The following NUMA1 variants were observed in gnomAD, a reference collection of about 807,000 sequenced individuals.
NUMA1 encodes SP-H antigen.
Under a neutral mutation model 237.1 loss-of-function variants are expected in NUMA1, and 62 were observed. That is an observed-to-expected ratio of 0.26 (90% CI 0.21 to 0.32). The LOEUF (loss-of-function observed/expected upper bound fraction) is 0.32, where lower values mean the gene tolerates loss of function less well. NUMA1 is among the 10% of genes least tolerant of loss of function. The pLI is 1.00. For synonymous variants in NUMA1, 1,028 were observed against 1,066.1 expected, an observed-to-expected ratio of 0.96 and a Z score of 0.70; for missense variants, 2,533 against 2,666.5, an observed-to-expected ratio of 0.95 and a Z score of 1.10.
At chr11:72,046,986 A>G (rs1942038073) in intron 2 of NUMA1, among the ~76,000 whole-genome samples, 1 of 152,092 alleles carries the variant, frequency 6.6e-6, no homozygotes, top group Non-Finnish European at 1.5e-5. Flanking sequence ...AAAGAATTTT[A>G]AATTAAAATA....
intron 15 of NUMA1, 108 bp from the exon 16 acceptor site, chr11:72,012,550 G>A (rs1956225706): frequency 9.2e-7 from 1 of 1,083,788 alleles, no homozygotes; most frequent in East Asian, 2.4e-5. Context: ...CCCCTAAGGA[G>A]CTAGATTGAC....
chr11:72,058,906 T>C (rs567026), intron 2 of NUMA1, among the ~76,000 whole-genome samples: 141,135 of 152,268 alleles, frequency 0.93, 65,657 homozygotes, highest in Non-Finnish European at 0.98. Context: ...ACACTCCTAA[T>C]CCTGGCAAGT....
At position 72,014,032 on chromosome 11, in the gene NUMA1, C is replaced by T. The variant is rs753793297; in HGVS notation, c.3471G>A (p.Arg1157=). 1 of 1,611,378 alleles carries T rather than the reference C, an allele frequency of 6.2e-7. No individual in the cohort carries two copies. The highest frequency in any genetic ancestry group is 1.1e-5 in the South Asian group (1 of 91,074). The part of the protein sequence containing the change: ...ERSLEAERAS[R]AERDSALETL... ...TCTCCAGAGCACTGTCCCGCTCAGC[C>T]CGGGAGGCCCGCTCAGCCTCGAGGC... Residue 1157 remains arginine, a synonymous_variant, in exon 15 of 27, where the codon CGG becomes CGA. Coordinates refer to ENST00000393695, the MANE Select transcript of NUMA1 (RefSeq NM_006185.4). The surrounding 1 kb of genome is among the most constrained non-coding windows in gnomAD (Gnocchi z 4.6).
intron 2 of NUMA1, among the ~76,000 whole-genome samples, chr11:72,045,983 C>A (rs937168173): frequency 6.6e-6 from 1 of 152,208 alleles, no homozygotes; most frequent in Admixed American, 6.5e-5. Flanking sequence ...CTCAAGGCAA[C>A]AGCTTCCAGC....
In NUMA1 at chr11:72,016,077, A is replaced by G. The variant is rs371678243; in HGVS notation, c.1426T>C (p.Ser476Pro). The G allele has an allele frequency of 1.9e-5, 31 of 1,613,962 alleles. No individual in the cohort carries two copies. The African/African-American group carries it at 4.0e-4, about 21-fold the overall frequency. The change falls in exon 15 of 27, where the codon TCC (serine) becomes CCC (proline). Residue 476 changes from serine to proline, a missense_variant. Ser to Pro is a moderately conservative substitution (Grantham distance 74). Coordinates refer to ENST00000393695, the MANE Select transcript of NUMA1 (RefSeq NM_006185.4). ...TCTTCCTTGGCCTGGCTGAGGTTGG[A>G]GATGGAGCTCTGCAGGTCAGTGATC... The part of the protein sequence containing the change: ...SLITDLQSSI[S>P]NLSQAKEELE...
chr11:72,009,854 A>C lies in NUMA1; in HGVS notation c.4720-467T>G, dbSNP rs181646718. Among the ~76,000 whole-genome samples the C allele has an allele frequency of 2.2e-3, 329 of 152,354 alleles. 3 individuals carry two copies. Among genetic ancestry groups the C allele is most frequent in the Non-Finnish European group, 3.7e-3 (255 of 68,030 alleles). On this transcript the variant is annotated intron_variant, in intron 17 of 26. Transcript: ENST00000393695. Reference sequence around the variant, plus strand: ...GGAAACTGAGTTCAGAGATTTAAGCAAATTGACCAGAGTAACAGTGACTAA... The same window carrying C: ...GGAAACTGAGTTCAGAGATTTAAGCCAATTGACCAGAGTAACAGTGACTAA...
rs369612298 is a variant in NUMA1, at chr11:72,016,432, G to A, written c.1218C>T (p.Gly406=). 53 of 1,613,960 alleles carry A rather than the reference G, an allele frequency of 3.3e-5. No individual in the cohort carries two copies. The African/African-American group carries it at 5.3e-4, about 16-fold the overall frequency. ...QLQDNPPQEK[G]EVLGDVLQLE... is the part of the protein sequence containing the mutation. Reference sequence around the variant, plus strand: ...CCTGCAAGACATCACCCAGCACCTCGCCCTTCTCCTGGGGTGGGTTATCCT... The same window carrying A: ...CCTGCAAGACATCACCCAGCACCTCACCCTTCTCCTGGGGTGGGTTATCCT... Residue 406 remains glycine, a synonymous_variant, in exon 14 of 27, where the codon GGC becomes GGT. Transcript: ENST00000393695.
chr11:72,079,131 T>G, intron 1 of NUMA1, among the ~76,000 whole-genome samples: 1 of 152,298 alleles, frequency 6.6e-6, no homozygotes, highest in South Asian at 2.1e-4. Flanking sequence ...AAGAAATTAT[T>G]CCAAAGCATA....
chr11:72,004,915 G>T, intron 23 of NUMA1, 99 bp from the exon 24 acceptor site: 3 of 1,204,550 alleles, frequency 2.5e-6, no homozygotes, highest in Admixed American at 5.7e-5. Flanking sequence ...GACACTTATG[G>T]TCGGGACCCT....
chr11:72,012,559 A>G, intron 15 of NUMA1, 117 bp from the exon 16 acceptor site: 1 of 1,016,994 alleles, frequency 9.8e-7, no homozygotes, highest in South Asian at 1.5e-5. Context: ...AGCTAGATTG[A>G]CAGTAAGTTT....
At chr11:72,064,270 C>T (rs1255172732) in intron 2 of NUMA1, among the ~76,000 whole-genome samples, 1 of 151,898 alleles carries the variant, frequency 6.6e-6, no homozygotes, top group South Asian at 2.1e-4. Context: ...CCAGCCTGGG[C>T]AACATAGTAG....
chr11:72,043,528 ATTT>A (rs34806999), intron 2 of NUMA1, among the ~76,000 whole-genome samples: 3 of 123,140 alleles, frequency 2.4e-5, no homozygotes, highest in Admixed American at 1.7e-4. Context: ...TGCCTGGCTA[ATTT>A]TTTTTTTTTT....
rs200722845 is a variant in NUMA1 at position 72,014,545 on chromosome 11, G to A, written c.2958C>T (p.Ala986=). 7.4e-5 allele frequency: 119 copies of A among 1,602,360 alleles called. No homozygotes were observed. In the East Asian group the frequency reaches 1.2e-3, roughly 17 times the overall value. The part of the protein sequence containing the change: ...QMGNELERLR[A]ALMESQGQQQ... Reference sequence around the variant, plus strand: ...GCTGCCCCTGGCTCTCCATCAGCGCGGCCCGCAGCCGTTCCAGCTCATTGC... The same window carrying A: ...GCTGCCCCTGGCTCTCCATCAGCGCAGCCCGCAGCCGTTCCAGCTCATTGC... The change falls in exon 15 of 27, where the codon GCC becomes GCT. Residue 986 remains alanine (A), a synonymous_variant. Coordinates refer to ENST00000393695, the MANE Select transcript of NUMA1 (RefSeq NM_006185.4). The surrounding 1 kb of genome is among the most constrained non-coding windows in gnomAD (Gnocchi z 4.6).
rs1247989968 is a variant in NUMA1, at chr11:72,015,973, G to A, written c.1530C>T (p.Leu510=). The change falls in exon 15 of 27, where the codon CTC becomes CTT. Residue 510 remains leucine (L), a synonymous_variant. Coordinates refer to ENST00000393695, the MANE Select transcript of NUMA1 (RefSeq NM_006185.4). This position sits in a 1 kb window ranked among gnomAD's most constrained non-coding sequence, Gnocchi z 4.0. ...GATCCTGTTGCTGGATGGTGGCATTGAGTGTGGTGAGCTCAGAGGTCAGAG... is the reference window on the plus strand; with the variant it reads ...GATCCTGTTGCTGGATGGTGGCATTAAGTGTGGTGAGCTCAGAGGTCAGAG... The part of the protein sequence containing the change: ...VASLTSELTT[L]NATIQQQDQE... The A allele has an allele frequency of 4.3e-6, 7 of 1,613,978 alleles. No individual in the cohort carries two copies. Among genetic ancestry groups the A allele is most frequent in the Admixed American group, 1.7e-5 (1 of 60,006 alleles).
rs1222622535 is a variant in NUMA1 at position 72,019,512 on chromosome 11, G to A, written c.566C>T (p.Ser189Phe). The A allele has an allele frequency of 1.4e-5, 22 of 1,613,606 alleles. No individual in the cohort carries two copies. Among genetic ancestry groups the A allele is most frequent in the Non-Finnish European group, 1.8e-5 (21 of 1,179,672 alleles). Reference protein sequence around the residue: ...IRFLELQKVASSSSGNNFLSG... With the variant: ...IRFLELQKVAFSSSGNNFLSG... The stretch of plus-strand genomic sequence containing the variant: ...AACATACTTGTTCCCACTGGAAGAG[G>A]AGGCAACCTTCTGTAGCTCTAGGAA... The change falls in exon 9 of 27, where the codon TCC becomes TTC. Residue 189 changes from serine to phenylalanine, a missense_variant. Around this residue, in one of 3 missense-constraint regions of NUMA1, gnomAD observed 1,414 missense variants for 1,508.1 expected, o/e 0.94. Transcript: ENST00000393695.
chr11:72,019,423 C>G, intron 9 of NUMA1, 71 bp downstream of exon 9: 1 of 1,575,820 alleles, frequency 6.3e-7, no homozygotes, highest in Non-Finnish European at 8.7e-7. Context: ...CATCTTAACT[C>G]TAGAAGTTAG....
chr11:72,011,801 G>A (rs140558482), intron 16 of NUMA1, among the ~76,000 whole-genome samples: 349 of 151,242 alleles, frequency 2.3e-3, no homozygotes, highest in Middle Eastern at 6.8e-3. Context: ...CCACTCCCCC[G>A]CCCCCATCTG....
rs760309329 is a variant in NUMA1 at position 72,007,151 on chromosome 11, G to T, written c.5463+38C>A. On this transcript the variant is annotated intron_variant, in intron 21 of 26. Coordinates refer to ENST00000393695, the MANE Select transcript of NUMA1 (RefSeq NM_006185.4). ...CAAAGATGCCCTTGAGAGGAAGTGG[G>T]AATTGCTGCCCTGCAGCCCCTGTCC... 4 of 1,598,346 alleles carry T rather than the reference G, an allele frequency of 2.5e-6. No homozygotes were observed. In the South Asian group the frequency reaches 3.3e-5, roughly 13 times the overall value.
At chr11:72,043,074 T>C (rs2135903199) in intron 2 of NUMA1, among the ~76,000 whole-genome samples, 1 of 152,068 alleles carries the variant, frequency 6.6e-6, no homozygotes, top group African/African-American at 2.4e-5. Flanking sequence ...AGAGACATTG[T>C]GGAGACAGGG....
Sources: gnomAD v4.1 joint callset for allele counts (sites outside exome capture counted in the v4.1 genomes callset) on GRCh38, gnomAD v4.1.1 for gene constraint, gnomAD v4.1.1 regional missense constraint, Gnocchi (gnomAD v3.1) non-coding constraint, MANE v1.5 for transcripts, NCBI Gene and HGNC (gene_info 2026-07-23, HGNC 2026-07-21) for gene names.